Variants in SYCP2 observed in about 807,000 individuals in gnomAD.
SYCP2 encodes the protein synaptonemal complex lateral element protein.
SYCP2 carries 55 observed loss-of-function variants against 211.3 expected under a neutral mutation model. The ratio of observed to expected loss-of-function variants is 0.26; its 90% CI spans 0.21 to 0.33. The LOEUF is 0.33. SYCP2 is among the 10% of genes least tolerant of loss of function. SYCP2 has a pLI of 1.00. For missense variants in SYCP2, 1,731 were observed against 1,752.0 expected (o/e 0.99, Z 0.21); for synonymous variants, 570 against 555.2 (o/e 1.03, Z -0.37).
chr20:59,879,309 G>A (rs545411256), intron 31 of SYCP2, among the ~76,000 whole-genome samples: 57 of 149,416 alleles, frequency 3.8e-4, no homozygotes, highest in African/African-American at 1.3e-3. Flanking sequence ...TTTTATATAT[G>A]ATAATCCTGC....
intron 43 of SYCP2, 28 bp from the exon 44 acceptor site, chr20:59,865,472 A>T (rs1347147554): frequency 1.3e-6 from 2 of 1,593,922 alleles, no homozygotes; most frequent in Admixed American, 1.8e-5. Context: ...TATTTCACCC[A>T]TGAAATTTAC....
rs1458730031 is a variant in SYCP2, at chr20:59,914,027, C to G, written c.778G>C (p.Asp260His). The change falls in exon 12 of 45, where the codon GAT becomes CAT. Residue 260 changes from aspartate (D) to histidine (H), a missense_variant and splice_region_variant. Asp to His is a moderately conservative substitution (Grantham distance 81). This residue lies in a region of SYCP2 where 335 missense variants were observed against 378.8 expected (regional missense o/e 0.88). Transcript: ENST00000357552. ...ACAAGGTTGAGAAATATCCTGCAAT[C>G]CTAATTTTAAAGAGAAATACTTTTA... Reference protein sequence around the residue: ...KRIKDSEFETDCRIFLNLVNG... With the variant: ...KRIKDSEFETHCRIFLNLVNG... 1 of 1,593,258 alleles carries G rather than the reference C, an allele frequency of 6.3e-7. No individual in the cohort carries two copies. The highest frequency in any genetic ancestry group is 8.5e-7 in the Non-Finnish European group (1 of 1,170,280).
At chr20:59,881,869 A>T in intron 28 of SYCP2, 76 bp downstream of exon 28, 2 of 1,200,984 alleles carry the variant, frequency 1.7e-6, no homozygotes, top group South Asian at 2.7e-5. Flanking sequence ...CATTAAAAAC[A>T]TTCTATGTAA....
intron 7 of SYCP2, among the ~76,000 whole-genome samples, chr20:59,918,917 A>G (rs1231483285): frequency 6.6e-6 from 1 of 152,106 alleles, no homozygotes; most frequent in Admixed American, 6.6e-5. Flanking sequence ...TAAATTATTC[A>G]TAGAAATTTG....
intron 2 of SYCP2, among the ~76,000 whole-genome samples, chr20:59,923,692 ACT>A (rs142543403): frequency 0.024 from 3,684 of 151,722 alleles, 160 homozygotes; most frequent in African/African-American, 0.082. Context: ...AGAGAGGGAG[ACT>A]CTGTCTCTAA....
At position 59,877,461 on chromosome 20, in the gene SYCP2, T is replaced by C. The variant is rs1445010340; in HGVS notation, c.3074A>G (p.Tyr1025Cys). The change falls in exon 33 of 45, where the codon TAT (tyrosine) becomes TGT (cysteine). Residue 1025 changes from tyrosine to cysteine, a missense_variant. Coordinates refer to ENST00000357552, the MANE Select transcript of SYCP2 (RefSeq NM_014258.4). ...TGATTCTGAATTTGAGAGATCTTTA[T>C]AGTTTTTTTTTGTTTTGGTTGCTTT... ...PRKATKTKKNYKDLSNSESEC... is the reference protein window; with the variant it reads ...PRKATKTKKNCKDLSNSESEC... The C allele has an allele frequency of 1.2e-6, 2 of 1,606,118 alleles. No individual in the cohort carries two copies. The highest frequency in any genetic ancestry group is 1.7e-6 in the Non-Finnish European group (2 of 1,177,808).
At position 59,914,137 on chromosome 20, in the gene SYCP2, T is replaced by A; in HGVS notation, c.749A>T (p.Lys250Ile). ...FSMDFIAKAF[K>I]RIKDSEFETD... ...TTCAAATTCAGAGTCCTTAATTCTT[T>A]TAAATGCCTTAGCAATAAAATCCAT... Residue 250 changes from lysine (K) to isoleucine (I), a missense_variant, in exon 11 of 45, where the codon AAA (lysine) becomes ATA (isoleucine). Around this residue, in one of 3 missense-constraint regions of SYCP2, gnomAD observed 335 missense variants for 378.8 expected, o/e 0.88. Coordinates refer to ENST00000357552, the MANE Select transcript of SYCP2 (RefSeq NM_014258.4). The A allele has an allele frequency of 6.2e-7, 1 of 1,604,084 alleles. No homozygotes were observed. Among genetic ancestry groups the A allele is most frequent in the East Asian group, 2.2e-5 (1 of 44,678 alleles).
chr20:59,893,320 G>T (rs981568863), intron 21 of SYCP2, 121 bp from the exon 22 acceptor site: 7 of 778,854 alleles, frequency 9.0e-6, no homozygotes, highest in Admixed American at 2.8e-5. Context: ...GATCGATTTT[G>T]CATCCTCTCT....
chr20:59,890,352 AACACATGG>A (rs1293845529), intron 24 of SYCP2, among the ~76,000 whole-genome samples: 2 of 152,098 alleles, frequency 1.3e-5, no homozygotes, highest in Non-Finnish European at 2.9e-5. Flanking sequence ...GAATAATAAG[AACACATGG>A]ACACAGGGAG....
At chr20:59,886,896 G>C in intron 24 of SYCP2, 62 bp from the exon 25 acceptor site, 2 of 1,360,150 alleles carry the variant, frequency 1.5e-6, no homozygotes, top group South Asian at 1.4e-5. Context: ...AAAAATAAAG[G>C]CTGAAAAAAA....
intron 35 of SYCP2, 56 bp from the exon 36 acceptor site, chr20:59,870,039 C>CT: frequency 8.5e-7 from 1 of 1,170,396 alleles, no homozygotes; most frequent in Non-Finnish European, 1.2e-6. Flanking sequence ...GTTCAAAGCC[C>CT]CCCACTTCAA....
Position 59,922,426 on chromosome 20 carries a change from TAAAA to T in SYCP2, c.-17_-14del, listed in dbSNP as rs376461462. 108 of 1,427,656 alleles carry T rather than the reference TAAAA, an allele frequency of 7.6e-5. No individual in the cohort carries two copies. Among genetic ancestry groups the T allele is most frequent in the Admixed American group, 1.6e-4 (7 of 42,720 alleles). 88.4% of individuals were successfully genotyped at this position (1,427,656 alleles called of 1,614,324 possible). A position where few individuals can be genotyped will look rare whatever the true frequency, so the allele number is the denominator to read the frequency against. ...GTCTTATTGGCATTTTGACTTCATTTAAAAAAAAAAAAAAAGCAAGACAAAATAA... is the reference window on the plus strand; with the variant it reads ...GTCTTATTGGCATTTTGACTTCATTTAAAAAAAAAAAGCAAGACAAAATAA... On this transcript the variant is annotated 5_prime_UTR_variant, in exon 3 of 45. Transcript: ENST00000357552.
chr20:59,878,182 T>C, intron 31 of SYCP2, 137 bp from the exon 32 acceptor site: 1 of 623,890 alleles, frequency 1.6e-6, no homozygotes, highest in East Asian at 3.1e-5. Context: ...TAGCATTTAA[T>C]AAGTGAACCT....
In SYCP2 at chr20:59,873,989, G is replaced by A. The variant is rs780496009; in HGVS notation, c.3422C>T (p.Pro1141Leu). 23 of 1,612,808 alleles carry A rather than the reference G, an allele frequency of 1.4e-5. No homozygotes were observed. Among genetic ancestry groups the A allele is most frequent in the Non-Finnish European group, 1.9e-5 (22 of 1,179,382 alleles). ...TAAGGATTCAAGTGATGAAGTTTTT[G>A]GATAAGGTGATATAGATTTTGTTAT... ...DCITKSISPY[P>L]KTSSLESLNS... The change falls in exon 35 of 45, where the codon CCA becomes CTA. Residue 1141 changes from proline to leucine, a missense_variant. By Grantham distance (98) the Pro-to-Leu change is moderately conservative. Around this residue, in one of 3 missense-constraint regions of SYCP2, gnomAD observed 1,387 missense variants for 1,351.3 expected, o/e 1.03. Coordinates refer to ENST00000357552, the MANE Select transcript of SYCP2 (RefSeq NM_014258.4).
intron 31 of SYCP2, among the ~76,000 whole-genome samples, chr20:59,878,322 C>T (rs896998916): frequency 7.9e-5 from 12 of 152,018 alleles, no homozygotes; most frequent in African/African-American, 2.7e-4. Flanking sequence ...TTTTTAGTAG[C>T]CCAATTGTAC....
intron 31 of SYCP2, among the ~76,000 whole-genome samples, chr20:59,879,915 C>A (rs1163040593): frequency 6.8e-6 from 1 of 146,510 alleles, no homozygotes; most frequent in East Asian, 2.0e-4. Context: ...CACACACACA[C>A]AAATGTAAAT....
Position 59,900,732 on chromosome 20 carries a change from T to C in SYCP2, c.1257+12A>G. Reference sequence around the variant, plus strand: ...AGCCCAGTGATAAAAATCAAGTAAGTCTGAGACATACCTGTGATCCACTTG... The same window carrying C: ...AGCCCAGTGATAAAAATCAAGTAAGCCTGAGACATACCTGTGATCCACTTG... On this transcript the variant is annotated intron_variant, in intron 17 of 44. Coordinates refer to ENST00000357552, the MANE Select transcript of SYCP2 (RefSeq NM_014258.4). The C allele has an allele frequency of 6.2e-7, 1 of 1,609,586 alleles. No homozygotes were observed. Among genetic ancestry groups the C allele is most frequent in the African/African-American group, 1.3e-5 (1 of 74,894 alleles).
In SYCP2 at chr20:59,901,579, G is replaced by GA. The variant is rs1043161541; in HGVS notation, c.1182+82dup. 9.6e-5 allele frequency: 82 copies of GA among 855,142 alleles called. No individual in the cohort carries two copies. In the African/African-American group the frequency reaches 1.2e-3, roughly 13 times the overall value. The allele number at this position is 855,142 out of a possible 1,614,324, so 53.0% of individuals were successfully genotyped here. ...TCTACATTTTAAGAATTCTAGAAAG[G>GA]AAAAAACGCAATAAAACTTATAACG... is the stretch of plus-strand genomic sequence containing the variant. On this transcript the variant is annotated intron_variant, in intron 16 of 44. Transcript: ENST00000357552.
chr20:59,919,547 A>G lies in SYCP2; in HGVS notation c.348T>C (p.Asn116=), dbSNP rs764201786. The change falls in exon 6 of 45, where the codon AAT becomes AAC. Residue 116 remains asparagine (N), a synonymous_variant. Transcript: ENST00000357552. The part of the protein sequence containing the change: ...KSKDIIQSQG[N]SKDEAVLNMI... The stretch of plus-strand genomic sequence containing the variant: ...TATTTAGAACAGCTTCATCTTTTGA[A>G]TTTCCTTGACTCTGAATAATGTCCT... The G allele has an allele frequency of 6.2e-7, 1 of 1,610,934 alleles. No homozygotes were observed. Among genetic ancestry groups the G allele is most frequent in the South Asian group, 1.1e-5 (1 of 90,808 alleles).
Sources: gnomAD v4.1 joint callset for allele counts (sites outside exome capture counted in the v4.1 genomes callset) on GRCh38, gnomAD v4.1.1 for gene constraint, gnomAD v4.1.1 regional missense constraint, MANE v1.5 for transcripts, NCBI Gene and HGNC (gene_info 2026-07-23, HGNC 2026-07-21) for gene names.